The following PRKG1 variants were observed in gnomAD, a reference collection of about 807,000 sequenced individuals.
The protein encoded by PRKG1 is protein kinase cGMP-dependent 1, also known as cGMP-dependent protein kinase 1.
In PRKG1, 35 loss-of-function variants were observed where a neutral mutation model predicts 88.1. The ratio of observed to expected loss-of-function variants is 0.40; its 90% confidence interval spans 0.30 to 0.53. The LOEUF is 0.53. PRKG1 is among the 20% of genes least tolerant of loss of function. The pLI is 0.59. For synonymous variants in PRKG1, 303 were observed against 292.5 expected, an observed-to-expected ratio of 1.04 and a Z score of -0.37; for missense variants, 540 against 839.8, an observed-to-expected ratio of 0.64 and a Z score of 4.41.
At chr10:51,261,881 ATT>A (rs375382268) in intron 2 of PRKG1, among the ~76,000 whole-genome samples, 22 of 120,578 alleles carry the variant, frequency 1.8e-4, no homozygotes, top group Admixed American at 1.7e-4. Flanking sequence ...GGATTTTCTA[ATT>A]TTTTTTTTTT....
chr10:52,033,366 T>C (rs1845519469), intron 5 of PRKG1, among the ~76,000 whole-genome samples: 1 of 152,220 alleles, frequency 6.6e-6, no homozygotes, highest in Admixed American at 6.5e-5. Flanking sequence ...AGCACACTTC[T>C]CTGTGGTGAC....
intron 2 of PRKG1, among the ~76,000 whole-genome samples, chr10:51,174,638 G>T (rs1041246606): frequency 6.6e-6 from 1 of 151,984 alleles, no homozygotes; most frequent in African/African-American, 2.4e-5. Context: ...CAGAGTTGCT[G>T]ATGTTTTTGA....
chr10:51,022,016 G>A (rs1234720557), intron 1 of PRKG1, among the ~76,000 whole-genome samples: 5 of 152,220 alleles, frequency 3.3e-5, no homozygotes, highest in African/African-American at 4.8e-5. Flanking sequence ...AATCTTATTC[G>A]ACAAACTCAA....
intron 2 of PRKG1, 68 bp from the exon 3 acceptor site, chr10:51,467,655 A>G (rs890072224): frequency 1.5e-5 from 20 of 1,330,118 alleles, no homozygotes; most frequent in African/African-American, 4.4e-5. Flanking sequence ...TCCTCTTCAC[A>G]TTAAAAATGC....
chr10:52,056,003 G>A (rs1357510794), intron 6 of PRKG1, among the ~76,000 whole-genome samples: 1 of 152,068 alleles, frequency 6.6e-6, no homozygotes, highest in Non-Finnish European at 1.5e-5. Flanking sequence ...CAAAAATGAA[G>A]AAAACAATAT....
intron 6 of PRKG1, among the ~76,000 whole-genome samples, chr10:52,056,671 A>G (rs974592259): frequency 3.9e-5 from 6 of 152,204 alleles, no homozygotes; most frequent in African/African-American, 1.2e-4. Context: ...TAAACCAGAC[A>G]TAAATTTCTA....
At chr10:51,703,774 G>C (rs1311645916) in intron 3 of PRKG1, among the ~76,000 whole-genome samples, 1 of 152,108 alleles carries the variant, frequency 6.6e-6, no homozygotes, top group Non-Finnish European at 1.5e-5. Flanking sequence ...CAGAAACAGA[G>C]AAATCTTTGA....
At chr10:52,200,701 C>T (rs1250634140) in intron 9 of PRKG1, among the ~76,000 whole-genome samples, 2 of 152,136 alleles carry the variant, frequency 1.3e-5, no homozygotes, top group Non-Finnish European at 2.9e-5. Flanking sequence ...CCCTTTTCAC[C>T]ACAACCTCAC....
chr10:51,278,322 T>C (rs1840188433), intron 2 of PRKG1, among the ~76,000 whole-genome samples: 1 of 152,198 alleles, frequency 6.6e-6, no homozygotes, highest in Non-Finnish European at 1.5e-5. Context: ...TCATGTTGGA[T>C]AAGCTTTTTG....
chr10:51,098,494 A>G lies in PRKG1; in HGVS notation c.311+23593A>G, dbSNP rs575466757. On this transcript the variant is annotated intron_variant, in intron 1 of 17. Transcript: ENST00000373980. Reference sequence around the variant, plus strand: ...GCAATGGAGCAAAGTGAATTGGTAGAGATATTCCTCTTAAGGACAGGTCAC... The same window carrying G: ...GCAATGGAGCAAAGTGAATTGGTAGGGATATTCCTCTTAAGGACAGGTCAC... 3.9e-5 allele frequency among the ~76,000 whole-genome samples: 6 copies of G among 152,204 alleles called. No individual in the cohort carries two copies. The South Asian group carries it at 1.2e-3, about 31-fold the overall frequency.
At position 51,858,254 on chromosome 10, in the gene PRKG1, TATAC is replaced by T. The variant is rs1214408935; in HGVS notation, c.699-49249_699-49246del. On this transcript the variant is annotated intron_variant, in intron 4 of 17. Coordinates refer to ENST00000373980, the MANE Select transcript of PRKG1 (RefSeq NM_006258.4). Reference sequence around the variant, plus strand: ...AATATATATTATATATAATACATATTATACATATATATAATATTATACATATGTA... The same window carrying T: ...AATATATATTATATATAATACATATTATATATATAATATTATACATATGTA... 1.9e-4 allele frequency among the ~76,000 whole-genome samples: 3 copies of T among 15,838 alleles called. 1 individual carries two copies. The highest frequency in any genetic ancestry group is 6.1e-4 in the African/African-American group (2 of 3,282). The allele number at this position is 15,838 out of a possible 152,430, so 10.4% of individuals were successfully genotyped here. A position where few individuals can be genotyped will look rare whatever the true frequency, so the allele number is the denominator to read the frequency against.
intron 1 of PRKG1, among the ~76,000 whole-genome samples, chr10:51,039,753 T>G (rs777086766): frequency 1.3e-5 from 2 of 152,170 alleles, no homozygotes; most frequent in Non-Finnish European, 2.9e-5. Context: ...CCTTAATTCA[T>G]TTTGATGTGA....
chr10:51,089,818 A>G (rs1055563122), intron 1 of PRKG1, among the ~76,000 whole-genome samples: 1 of 152,220 alleles, frequency 6.6e-6, no homozygotes, highest in Non-Finnish European at 1.5e-5. Context: ...GAGTTAAGGT[A>G]ATATAACCTA....
chr10:51,009,035 T>A (rs906583739), intron 1 of PRKG1, among the ~76,000 whole-genome samples: 4 of 152,212 alleles, frequency 2.6e-5, no homozygotes, highest in African/African-American at 9.6e-5. Flanking sequence ...GTTTTCATGG[T>A]ATGAGTTTTA....
At chr10:51,639,981 A>C (rs1314796271) in intron 3 of PRKG1, among the ~76,000 whole-genome samples, 2 of 152,200 alleles carry the variant, frequency 1.3e-5, no homozygotes, top group Non-Finnish European at 2.9e-5. Flanking sequence ...TGGATCTACA[A>C]AATAAGTATC....
intron 3 of PRKG1, among the ~76,000 whole-genome samples, chr10:51,750,182 C>A (rs945113083): frequency 7.9e-5 from 12 of 152,036 alleles, no homozygotes; most frequent in Non-Finnish European, 1.5e-4. Context: ...GTGATCCACC[C>A]ACCTCGGACC....
At chr10:51,937,968 C>T (rs185670397) in intron 5 of PRKG1, among the ~76,000 whole-genome samples, 21 of 152,172 alleles carry the variant, frequency 1.4e-4, no homozygotes, top group South Asian at 1.0e-3. Context: ...CATACTTATA[C>T]GCTATCTGCC....
chr10:51,990,126 C>A (rs529846618), intron 5 of PRKG1, among the ~76,000 whole-genome samples: 23 of 152,200 alleles, frequency 1.5e-4, no homozygotes, highest in African/African-American at 5.3e-4. Flanking sequence ...TGTCAAAAAT[C>A]AATTTGCCCT....
At chr10:51,673,301 A>G (rs1014756058) in intron 3 of PRKG1, among the ~76,000 whole-genome samples, 1 of 152,222 alleles carries the variant, frequency 6.6e-6, no homozygotes, top group Non-Finnish European at 1.5e-5. Context: ...ATTATATTTT[A>G]TGAAGAGTAG....
Sources: gnomAD v4.1 joint callset for allele counts (sites outside exome capture counted in the v4.1 genomes callset) on GRCh38, gnomAD v4.1.1 for gene constraint, MANE v1.5 for transcripts, NCBI Gene and HGNC (gene_info 2026-07-23, HGNC 2026-07-21) for gene names.